NTN1: variants seen among roughly 807,000 people sequenced by gnomAD.
NTN1 encodes netrin-1.
NTN1 carries 11 observed loss-of-function variants against 54.2 expected under a neutral mutation model. The observed-to-expected ratio is 0.20, with a 90% CI of 0.13 to 0.34. The LOEUF (loss-of-function observed/expected upper bound fraction) is 0.34, where lower values mean the gene tolerates loss of function less well. Among genes scored for constraint, NTN1 ranks in the 10% least tolerant of loss-of-function variants. The probability of loss-of-function intolerance (pLI) is 1.00; values close to 1 mark genes in which losing one functional copy is unlikely to be tolerated. For missense variants in NTN1, 740 were observed against 893.1 expected (o/e 0.83, Z 2.18); for synonymous variants, 371 against 382.0 (o/e 0.97, Z 0.33).
At chr17:9,064,907 C>T (rs750268167) in intron 2 of NTN1, among the ~76,000 whole-genome samples, 73 of 152,126 alleles carry the variant, frequency 4.8e-4, no homozygotes, top group Non-Finnish European at 9.6e-4. Context: ...TACAGGTGTG[C>T]ACCACCATGC....
chr17:9,032,487 C>G (rs774953660), intron 2 of NTN1, among the ~76,000 whole-genome samples: 1 of 152,208 alleles, frequency 6.6e-6, no homozygotes, highest in African/African-American at 2.4e-5. Flanking sequence ...ACGTGAAGGT[C>G]GTTCCTTCCA....
intron 2 of NTN1, among the ~76,000 whole-genome samples, chr17:9,058,132 T>C (rs1432017933): frequency 6.6e-6 from 1 of 152,164 alleles, no homozygotes; most frequent in African/African-American, 2.4e-5. Context: ...CAGGAAAATA[T>C]GCCTGCCTCG....
At chr17:9,050,132 A>G (rs1212391792) in intron 2 of NTN1, among the ~76,000 whole-genome samples, 1 of 151,362 alleles carries the variant, frequency 6.6e-6, no homozygotes, top group Non-Finnish European at 1.5e-5. Flanking sequence ...CTGTAGTCCC[A>G]GCTACTCGGG....
chr17:9,186,399 GC>G (rs1428433183), intron 5 of NTN1, among the ~76,000 whole-genome samples: 1 of 152,242 alleles, frequency 6.6e-6, no homozygotes, highest in Admixed American at 6.5e-5. Context: ...AGCTGCCTTT[GC>G]GTGGAAGCTG....
At chr17:9,222,895 T>C (rs1297485447) in intron 6 of NTN1, among the ~76,000 whole-genome samples, 1 of 152,236 alleles carries the variant, frequency 6.6e-6, no homozygotes, top group Non-Finnish European at 1.5e-5. Context: ...TGTGTGTGTG[T>C]GTATGTGAGA....
At chr17:9,011,526 G>T in the NTN1 span, among the ~76,000 whole-genome samples, 2 of 152,166 alleles carry the variant, frequency 1.3e-5, no homozygotes, top group African/African-American at 4.8e-5. Context: ...CGTCAGCAAA[G>T]ACCCTTTTAC....
the NTN1 span, among the ~76,000 whole-genome samples, chr17:9,006,281 C>T: frequency 5.9e-5 from 9 of 152,162 alleles, no homozygotes; most frequent in Non-Finnish European, 8.8e-5. Flanking sequence ...AGTGTTTGGA[C>T]AAGACAAACA....
At chr17:9,148,293 A>G (rs1363956421) in intron 2 of NTN1, among the ~76,000 whole-genome samples, 1 of 152,230 alleles carries the variant, frequency 6.6e-6, no homozygotes, top group Non-Finnish European at 1.5e-5. Context: ...AGCTGGTGCT[A>G]AGCAAATAGG....
chr17:9,104,931 G>T (rs1451217429), intron 2 of NTN1, among the ~76,000 whole-genome samples: 1 of 152,174 alleles, frequency 6.6e-6, no homozygotes, highest in South Asian at 2.1e-4. Context: ...ACACTTACGA[G>T]GTGTTCCTGT....
At chr17:9,217,156 C>T (rs769573788) in intron 5 of NTN1, among the ~76,000 whole-genome samples, 4 of 152,194 alleles carry the variant, frequency 2.6e-5, no homozygotes, top group Admixed American at 6.5e-5. Flanking sequence ...CCCCACTGCC[C>T]CCACTCACTT....
intron 5 of NTN1, 105 bp downstream of exon 5, chr17:9,183,074 A>G: frequency 2.6e-6 from 3 of 1,175,334 alleles, no homozygotes; most frequent in Middle Eastern, 2.0e-4. Context: ...TCCTCTAACC[A>G]CTGTCCGGGC....
intron 2 of NTN1, among the ~76,000 whole-genome samples, chr17:9,146,086 T>C (rs2142284608): frequency 6.6e-6 from 1 of 152,298 alleles, no homozygotes; most frequent in East Asian, 1.9e-4. Context: ...TGCGAGGCCC[T>C]TGTGCCCTTT....
Position 9,022,415 on chromosome 17 carries a change from G to T in NTN1, c.42G>T (p.Ala14=). ...AVWEALAALA[A]VACLVGAVRG... ...GGGAGGCGCTGGCGGCGCTGGCGGC[G>T]GTGGCGTGCCTGGTGGGCGCGGTGC... Residue 14 remains alanine, a synonymous_variant, in exon 2 of 7, where the codon GCG becomes GCT. Coordinates refer to ENST00000173229, the MANE Select transcript of NTN1 (RefSeq NM_004822.3). 2.2e-6 allele frequency: 3 copies of T among 1,343,428 alleles called. No individual in the cohort carries two copies. The highest frequency in any genetic ancestry group is 2.3e-4 in the Middle Eastern group (1 of 4,302). 83.2% of individuals were successfully genotyped at this position (1,343,428 alleles called of 1,614,324 possible). A position where few individuals can be genotyped will look rare whatever the true frequency, so the allele number is the denominator to read the frequency against.
chr17:9,152,975 A>G (rs958597595), intron 2 of NTN1, among the ~76,000 whole-genome samples: 2 of 151,626 alleles, frequency 1.3e-5, no homozygotes, highest in African/African-American at 4.9e-5. Context: ...TAATAGTGAC[A>G]CTCCAGGGGG....
chr17:9,209,966 C>T (rs1905058010), intron 5 of NTN1, among the ~76,000 whole-genome samples: 1 of 152,086 alleles, frequency 6.6e-6, no homozygotes. Context: ...GAGCAAAAGC[C>T]AGCCTCTGCC....
At chr17:9,233,441 C>T (rs947147758) in intron 6 of NTN1, among the ~76,000 whole-genome samples, 2 of 152,006 alleles carry the variant, frequency 1.3e-5, no homozygotes, top group African/African-American at 4.8e-5. Context: ...GCAGGAGGTC[C>T]ACCAAATCTG....
chr17:9,217,686 A>G (rs750751095), intron 5 of NTN1, among the ~76,000 whole-genome samples: 12 of 152,132 alleles, frequency 7.9e-5, no homozygotes, highest in Non-Finnish European at 1.3e-4. Context: ...ACTTTACCTA[A>G]GGGAGAACAT....
At chr17:9,189,317 G>A (rs1904388213) in intron 5 of NTN1, among the ~76,000 whole-genome samples, 1 of 152,172 alleles carries the variant, frequency 6.6e-6, no homozygotes, top group Admixed American at 6.5e-5. Flanking sequence ...GTCTGTGAGT[G>A]CTGTTGGCCA....
intron 2 of NTN1, among the ~76,000 whole-genome samples, chr17:9,108,074 C>A (rs2092173883): frequency 6.6e-6 from 1 of 152,140 alleles, no homozygotes; most frequent in African/African-American, 2.4e-5. Flanking sequence ...CACAAAGAAA[C>A]ATTCAGTGAA....
Sources: allele counts gnomAD v4.1 joint callset (sites outside exome capture counted in the v4.1 genomes callset), GRCh38; gene constraint gnomAD v4.1.1; transcripts MANE v1.5; gene names NCBI Gene and HGNC (gene_info 2026-07-23, HGNC 2026-07-21).